Variants in DSE observed in about 807,000 individuals in gnomAD.
The protein encoded by DSE is dermatan sulfate epimerase, also known as dermatan-sulfate epimerase.
Under a neutral mutation model 84.4 loss-of-function variants are expected in DSE, and 36 were observed. The observed-to-expected ratio is 0.43, with a 90% CI of 0.33 to 0.56. DSE has a LOEUF of 0.56. Among genes scored for constraint, DSE ranks in the 20% least tolerant of loss-of-function variants. DSE has a pLI of 0.06. For synonymous variants in DSE, 410 were observed against 430.1 expected, an observed-to-expected ratio of 0.95 and a Z score of 0.58; for missense variants, 862 against 1,169.6, an observed-to-expected ratio of 0.74 and a Z score of 3.84.
chr6:116,408,082 C>G (rs990865504), intron 2 of DSE, among the ~76,000 whole-genome samples: 1 of 152,210 alleles, frequency 6.6e-6, no homozygotes, highest in African/African-American at 2.4e-5. Context: ...ATTACATGTT[C>G]TCTAGCCCCT....
chr6:116,411,757 A>G (rs1339741069), intron 2 of DSE, among the ~76,000 whole-genome samples: 1 of 152,234 alleles, frequency 6.6e-6, no homozygotes, highest in Non-Finnish European at 1.5e-5. Flanking sequence ...GAGCCTGTTG[A>G]TATGAGAAAT....
At chr6:116,368,591 G>C (rs1779302506), upstream of DSE, among the ~76,000 whole-genome samples, 1 of 152,230 alleles carries the variant, frequency 6.6e-6, no homozygotes, top group African/African-American at 2.4e-5. Flanking sequence ...TTATTTGGTA[G>C]ATTGTAATAT....
At chr6:116,269,819 G>A (rs1421944807) in intron 2 of DSE, among the ~76,000 whole-genome samples, 1 of 152,100 alleles carries the variant, frequency 6.6e-6, no homozygotes, top group African/African-American at 2.4e-5. Context: ...CATTTTCTGT[G>A]AGGAACATAC....
intron 2 of DSE, among the ~76,000 whole-genome samples, chr6:116,316,552 C>A (rs949933204): frequency 6.6e-6 from 1 of 151,738 alleles, no homozygotes; most frequent in African/African-American, 2.4e-5. Context: ...AATTAATGAA[C>A]CACATTATAC....
At chr6:116,270,180 T>C (rs1021308087) in intron 2 of DSE, among the ~76,000 whole-genome samples, 1 of 152,208 alleles carries the variant, frequency 6.6e-6, no homozygotes, top group Non-Finnish European at 1.5e-5. Context: ...AGCCCCACTC[T>C]TGCCTAATAT....
intron 2 of DSE, among the ~76,000 whole-genome samples, chr6:116,352,769 AACAC>A (rs1389908180): frequency 6.6e-6 from 1 of 152,212 alleles, no homozygotes; most frequent in African/African-American, 2.4e-5. Context: ...CCCATTTTGC[AACAC>A]AGCCTTAGGG....
In DSE at chr6:116,414,663, C is replaced by T. The variant is rs202071848; in HGVS notation, c.417-11911C>T. Among the ~76,000 whole-genome samples the T allele has an allele frequency of 3.1e-4, 47 of 152,286 alleles. No homozygotes were observed. The East Asian group carries it at 6.8e-3, about 22-fold the overall frequency. ...CCGACCTCAGGTGATCCGCCTGCCT[C>T]GGCCTCCCAAAGTGCTGGGATTACA... On this transcript the variant is annotated intron_variant, in intron 2 of 5. Coordinates refer to ENST00000644252, the MANE Select transcript of DSE (RefSeq NM_013352.4).
intron 2 of DSE, among the ~76,000 whole-genome samples, chr6:116,300,493 T>A (rs1321000537): frequency 6.6e-6 from 1 of 152,236 alleles, no homozygotes; most frequent in African/African-American, 2.4e-5. Context: ...ATTTTTAGAA[T>A]TCACAGGGAC....
chr6:116,299,551 T>TATATATATACACAC (rs1554209343), intron 2 of DSE, among the ~76,000 whole-genome samples: 3 of 53,676 alleles, frequency 5.6e-5, no homozygotes, highest in African/African-American at 1.3e-4. Flanking sequence ...TATATATATA[T>TATATATATACACAC]ACACATACAC....
At position 116,435,957 on chromosome 6, in the gene DSE, C is replaced by T; in HGVS notation, c.1489C>T (p.Pro497Ser). Residue 497 changes from proline to serine, a missense_variant, in exon 6 of 6, where the codon CCC becomes TCC. Physicochemically the swap from Pro to Ser is moderately conservative, Grantham distance 74. This residue lies in a region of DSE where 186 missense variants were observed against 255.1 expected (regional missense o/e 0.73). Coordinates refer to ENST00000644252, the MANE Select transcript of DSE (RefSeq NM_013352.4). ...SPAVSKSCFS[P>S]WVGQVTEDCS... The stretch of plus-strand genomic sequence containing the variant: ...AGCTGTGTCAAAGAGCTGCTTTTCT[C>T]CCTGGGTGGGTCAGGTCACAGAAGA... 1 of 1,614,128 alleles carries T rather than the reference C, an allele frequency of 6.2e-7. No homozygotes were observed.
At chr6:116,299,273 T>C (rs1226335105) in intron 2 of DSE, among the ~76,000 whole-genome samples, 1 of 151,898 alleles carries the variant, frequency 6.6e-6, no homozygotes, top group Non-Finnish European at 1.5e-5. Flanking sequence ...TTGTCTCTAG[T>C]TAATGTAGTT....
Position 116,399,419 on chromosome 6 carries a change from C to T in DSE, c.169C>T (p.Gln57Ter), listed in dbSNP as rs747303498. Reference sequence around the variant, plus strand: ...CTCCAGGGCAGAAGTGGCGGAGCTGCAGCTCAGGGCTGCCAGCTCGCACGA... The same window carrying T: ...CTCCAGGGCAGAAGTGGCGGAGCTGTAGCTCAGGGCTGCCAGCTCGCACGA... The part of the protein sequence containing the change: ...YFSRAEVAEL[Q>*]LRAASSHEHI... The change falls in exon 2 of 6, where the codon CAG (glutamine) becomes TAG (stop). Residue 57 changes from glutamine (Q) to a stop codon, truncating the protein, a stop_gained. Transcript: ENST00000644252. LOFTEE classifies it high-confidence loss of function. The T allele has an allele frequency of 6.2e-7, 1 of 1,614,220 alleles. No individual in the cohort carries two copies. The highest frequency in any genetic ancestry group is 8.5e-7 in the Non-Finnish European group (1 of 1,180,054).
chr6:116,304,348 A>G (rs897861703), intron 2 of DSE, among the ~76,000 whole-genome samples: 10 of 136,646 alleles, frequency 7.3e-5, no homozygotes, highest in Admixed American at 2.3e-4. Context: ...TTTTAGTCAC[A>G]TGAGTTTGAA....
At chr6:116,346,551 CT>C (rs1234539418) in intron 2 of DSE, among the ~76,000 whole-genome samples, 2 of 152,124 alleles carry the variant, frequency 1.3e-5, no homozygotes, top group Non-Finnish European at 2.9e-5. Context: ...CAGAAAAGGC[CT>C]TTGACAAAAT....
chr6:116,435,562 T>C, intron 5 of DSE, 25 bp from the exon 6 acceptor site: 1 of 1,541,588 alleles, frequency 6.5e-7, no homozygotes, highest in Non-Finnish European at 8.7e-7. Context: ...CAGAAAACCA[T>C]TTAATTTTTC....
intron 2 of DSE, among the ~76,000 whole-genome samples, chr6:116,307,871 T>C (rs1181899107): frequency 1.3e-5 from 2 of 152,260 alleles, no homozygotes; most frequent in East Asian, 1.9e-4. Flanking sequence ...CAAGTTCAGG[T>C]AAAATTAGGA....
At chr6:116,375,503 C>T in intron 1 of DSE, 1 of 984,528 alleles carries the variant, frequency 1.0e-6, no homozygotes, top group Non-Finnish European at 1.2e-6. Flanking sequence ...GATCCTGCCT[C>T]AAAGTCTTTT....
intron 2 of DSE, among the ~76,000 whole-genome samples, chr6:116,325,222 C>T (rs939993491): frequency 5.9e-5 from 9 of 152,220 alleles, no homozygotes; most frequent in Non-Finnish European, 1.2e-4. Flanking sequence ...GCGAGTGAGA[C>T]TCATGGTTGC....
intron 2 of DSE, among the ~76,000 whole-genome samples, chr6:116,300,665 T>G (rs1024178921): frequency 2.6e-5 from 4 of 152,248 alleles, no homozygotes; most frequent in African/African-American, 9.6e-5. Context: ...CCAGTGCTAG[T>G]GTCAAAGAAC....
Sources: allele counts gnomAD v4.1 joint callset (sites outside exome capture counted in the v4.1 genomes callset), GRCh38; gene constraint gnomAD v4.1.1; regional missense constraint gnomAD v4.1.1; transcripts MANE v1.5; gene names NCBI Gene and HGNC (gene_info 2026-07-23, HGNC 2026-07-21).